The following SEC13 variants were observed in gnomAD, a reference collection of about 807,000 sequenced individuals.
SEC13 encodes protein SEC13 homolog.
A neutral mutation model predicts 49.2 loss-of-function variants in SEC13; 25 were observed. The ratio of observed to expected loss-of-function variants is 0.51; its 90% CI spans 0.37 to 0.71. The LOEUF (loss-of-function observed/expected upper bound fraction) is 0.71. SEC13 is among the 30% of genes least tolerant of loss of function. The pLI is 0.00. For synonymous variants in SEC13, 148 were observed against 163.9 expected, an observed-to-expected ratio of 0.90 and a Z score of 0.74; for missense variants, 383 against 417.6, an observed-to-expected ratio of 0.92 and a Z score of 0.72.
chr3:10,301,452 T>C, intron 8 of SEC13, 78 bp from the exon 9 acceptor site: 1 of 1,574,802 alleles, frequency 6.3e-7, no homozygotes, highest in East Asian at 2.3e-5. Context: ...AGCCTCATCC[T>C]CATCAAGAAC....
intron 1 of SEC13, chr3:10,320,796 A>G: frequency 1.5e-6 from 2 of 1,324,686 alleles, no homozygotes; most frequent in South Asian, 2.2e-5. Context: ...TGTTGACCGA[A>G]AAGAAGGAAG....
intron 2 of SEC13, among the ~76,000 whole-genome samples, chr3:10,316,088 G>A (rs1418053142): frequency 1.3e-5 from 2 of 152,112 alleles, no homozygotes; most frequent in African/African-American, 4.8e-5. Context: ...CTTAAGTGTC[G>A]CTGCTCTCAC....
chr3:10,304,894 C>T, intron 7 of SEC13, 139 bp downstream of exon 7: 1 of 1,270,482 alleles, frequency 7.9e-7, no homozygotes, highest in South Asian at 1.3e-5. Context: ...ACACAATGAC[C>T]TGACTCCCTG....
At chr3:10,312,520 A>G in intron 4 of SEC13, 59 bp downstream of exon 4, 22 of 1,590,552 alleles carry the variant, frequency 1.4e-5, no homozygotes, top group Non-Finnish European at 1.9e-5. Context: ...TCCAGCCGGG[A>G]CAGAGTCCTT....
chr3:10,319,420 GTCAA>G, intron 1 of SEC13: 2 of 703,256 alleles, frequency 2.8e-6, no homozygotes, highest in East Asian at 3.2e-5. Flanking sequence ...CAAGGGCACA[GTCAA>G]TCAGAGACCT....
chr3:10,306,196 G>T lies in SEC13; in HGVS notation c.451-504C>A, dbSNP rs115310805. ...AGTCTTGTCCATTAAACATTTTTTTGGATGTTTTTTACATCTCCTACTTTG... is the reference window on the plus strand; with the variant it reads ...AGTCTTGTCCATTAAACATTTTTTTTGATGTTTTTTACATCTCCTACTTTG... On this transcript the variant is annotated intron_variant, in intron 5 of 8. Coordinates refer to ENST00000350697, the MANE Select transcript of SEC13 (RefSeq NM_183352.3). Among the ~76,000 whole-genome samples, 1,259 of 151,876 alleles carry T rather than the reference G, an allele frequency of 8.3e-3. 11 individuals carry two copies. The highest frequency in any genetic ancestry group is 0.041 in the Middle Eastern group (12 of 294).
At chr3:10,307,958 G>A (rs539081141) in intron 5 of SEC13, among the ~76,000 whole-genome samples, 1 of 152,270 alleles carries the variant, frequency 6.6e-6, no homozygotes, top group Admixed American at 6.5e-5. Flanking sequence ...TTTTAGTTGT[G>A]TGACTTGTAT....
chr3:10,308,597 T>C (rs1016762078), intron 5 of SEC13, among the ~76,000 whole-genome samples: 3 of 152,160 alleles, frequency 2.0e-5, no homozygotes, highest in African/African-American at 7.2e-5. Flanking sequence ...TCACACTTTC[T>C]TTCCTGGAGT....
At chr3:10,312,946 TGAGA>T (rs1442724399) in intron 3 of SEC13, 1 of 511,964 alleles carries the variant, frequency 2.0e-6, no homozygotes, top group East Asian at 3.3e-5. Context: ...ACAGAGCCTT[TGAGA>T]GAGAGTTGAG....
chr3:10,316,415 A>T (rs1668232655), intron 2 of SEC13, among the ~76,000 whole-genome samples: 1 of 151,754 alleles, frequency 6.6e-6, no homozygotes, highest in African/African-American at 2.4e-5. Flanking sequence ...ACACATCCTG[A>T]TTTTTCTTTG....
At position 10,319,241 on chromosome 3, in the gene SEC13, T is replaced by C. The variant is rs74390772; in HGVS notation, c.4-1147A>G. ...GTGGAAGAGGATGGCTGCAAAGCAG[T>C]TCAAGAGGTACACACCAAGTAAGCA... On this transcript the variant is annotated intron_variant, in intron 1 of 8. Transcript: ENST00000350697. 584 of 1,613,280 alleles carry C rather than the reference T, an allele frequency of 3.6e-4. 8 individuals carry two copies. In the East Asian group the frequency reaches 0.013, roughly 35 times the overall value.
chr3:10,306,059 G>A, intron 5 of SEC13: 1 of 181,718 alleles, frequency 5.5e-6, no homozygotes, highest in Non-Finnish European at 1.2e-5. Context: ...CTGTCATTAT[G>A]CCCTTCCTAA....
chr3:10,317,222 T>C (rs1701663301), intron 2 of SEC13, among the ~76,000 whole-genome samples: 1 of 152,132 alleles, frequency 6.6e-6, no homozygotes, highest in Non-Finnish European at 1.5e-5. Context: ...CTGCCCATGA[T>C]TCCATGCTAT....
chr3:10,320,561 T>C (rs554132935), intron 1 of SEC13: 1 of 986,704 alleles, frequency 1.0e-6, no homozygotes, highest in African/African-American at 1.7e-5. Context: ...GGAGCTGCAG[T>C]AGGCGGCAGA....
At chr3:10,305,785 G>T in intron 5 of SEC13, 93 bp from the exon 6 acceptor site, 1 of 1,402,602 alleles carries the variant, frequency 7.1e-7, no homozygotes, top group Non-Finnish European at 9.9e-7. Context: ...CCGCTTCTCA[G>T]GACTGGAGTG....
At chr3:10,314,352 CA>C (rs1701470177) in intron 3 of SEC13, among the ~76,000 whole-genome samples, 1 of 152,308 alleles carries the variant, frequency 6.6e-6, no homozygotes, top group South Asian at 2.1e-4. Context: ...CTTCAAGCAA[CA>C]AACCCTAGCG....
intron 5 of SEC13, among the ~76,000 whole-genome samples, chr3:10,306,579 A>G (rs530643516): frequency 6.6e-6 from 1 of 152,196 alleles, no homozygotes; most frequent in South Asian, 2.1e-4. Context: ...TTAACTATTC[A>G]GTTACCCAGG....
intron 3 of SEC13, 152 bp from the exon 4 acceptor site, chr3:10,312,882 G>T (rs1701370160): frequency 1.4e-6 from 1 of 704,830 alleles, no homozygotes. Flanking sequence ...CAAAAGGGGT[G>T]CTCAGTGGAC....
At chr3:10,316,928 G>C (rs1283526516) in intron 2 of SEC13, among the ~76,000 whole-genome samples, 1 of 151,340 alleles carries the variant, frequency 6.6e-6, no homozygotes, top group Non-Finnish European at 1.5e-5. Flanking sequence ...TTGAACCCGG[G>C]AGGCGTAGGT....
Sources: allele counts gnomAD v4.1 joint callset (sites outside exome capture counted in the v4.1 genomes callset), GRCh38; gene constraint gnomAD v4.1.1; transcripts MANE v1.5; gene names NCBI Gene and HGNC (gene_info 2026-07-23, HGNC 2026-07-21).